Variants in LAMA3 observed in about 807,000 individuals in gnomAD.
The protein encoded by LAMA3 is laminin subunit alpha-3.
LAMA3 carries 281 observed loss-of-function variants against 402.0 expected under a neutral mutation model. The observed-to-expected ratio is 0.70, with a 90% confidence interval of 0.63 to 0.77. The LOEUF (loss-of-function observed/expected upper bound fraction) is 0.77, where lower values mean the gene tolerates loss of function less well. Among genes scored for constraint, LAMA3 ranks in the 30% least tolerant of loss-of-function variants. LAMA3 has a pLI of 0.00. For synonymous variants in LAMA3, 1,431 were observed against 1,558.4 expected (o/e 0.92, Z 1.93); for missense variants, 3,840 against 4,215.5 (o/e 0.91, Z 2.47).
intron 39 of LAMA3, among the ~76,000 whole-genome samples, chr18:23,877,290 T>C (rs1414063844): frequency 6.6e-6 from 1 of 152,246 alleles, no homozygotes; most frequent in African/African-American, 2.4e-5. Flanking sequence ...TTTTGGAATA[T>C]TTTATAAAAT....
chr18:23,903,834 GT>G (rs2081152162), intron 49 of LAMA3, 98 bp from the exon 50 acceptor site: 5 of 990,266 alleles, frequency 5.0e-6, no homozygotes, highest in Non-Finnish European at 6.4e-6. Flanking sequence ...ACATCTCATT[GT>G]TGCCCCAGAA....
At chr18:23,812,094 T>C (rs990138441) in intron 13 of LAMA3, among the ~76,000 whole-genome samples, 37 of 151,986 alleles carry the variant, frequency 2.4e-4, no homozygotes, top group Admixed American at 1.6e-3. Context: ...AGGATGATCT[T>C]GATCTCCTGA....
At chr18:23,727,358 C>T (rs2061318293) in intron 2 of LAMA3, among the ~76,000 whole-genome samples, 1 of 152,158 alleles carries the variant, frequency 6.6e-6, no homozygotes, top group African/African-American at 2.4e-5. Flanking sequence ...TGGAGTCTCA[C>T]TCTGTCTCCC....
chr18:23,840,070 C>T, intron 27 of LAMA3, 141 bp downstream of exon 27: 2 of 901,912 alleles, frequency 2.2e-6, no homozygotes, highest in Non-Finnish European at 3.6e-6. Context: ...GGGGGTGGGC[C>T]CAGGAATCTG....
intron 62 of LAMA3, among the ~76,000 whole-genome samples, chr18:23,923,379 G>A (rs1004173842): frequency 6.6e-6 from 1 of 152,194 alleles, no homozygotes; most frequent in Admixed American, 6.5e-5. Flanking sequence ...GGGTGACCTG[G>A]CCCAAGGAGT....
chr18:23,858,906 C>T lies in LAMA3; in HGVS notation c.4422+77C>T, dbSNP rs185406662. On this transcript the variant is annotated intron_variant, in intron 34 of 74. Coordinates refer to ENST00000313654, the MANE Select transcript of LAMA3 (RefSeq NM_198129.4). The stretch of plus-strand genomic sequence containing the variant: ...ATGATAAGCATATCCCTCGCTGCTC[C>T]TTGGCCTGCAGTGTTTTAAAATTCT... 84 of 1,432,194 alleles carry T rather than the reference C, an allele frequency of 5.9e-5. No individual in the cohort carries two copies. In the African/African-American group the frequency reaches 1.1e-3, roughly 18 times the overall value. The allele number at this position is 1,432,194 out of a possible 1,614,324, so 88.7% of individuals were successfully genotyped here. A position where few individuals can be genotyped will look rare whatever the true frequency, so the allele number is the denominator to read the frequency against.
chr18:23,857,380 C>T (rs1106459), intron 32 of LAMA3, among the ~76,000 whole-genome samples: 18,473 of 152,194 alleles, frequency 0.12, 2,547 homozygotes, highest in African/African-American at 0.32. Context: ...AGTGATCTCC[C>T]GCTCTGTTCC....
intron 66 of LAMA3, among the ~76,000 whole-genome samples, 167 bp from the exon 67 acceptor site, chr18:23,933,615 C>A (rs1317881518): frequency 1.3e-5 from 2 of 152,164 alleles, no homozygotes; most frequent in Non-Finnish European, 2.9e-5. Context: ...TATTGTGCTG[C>A]CAAACACTAG....
intron 2 of LAMA3, among the ~76,000 whole-genome samples, chr18:23,741,805 T>G (rs1408447839): frequency 3.9e-5 from 6 of 152,192 alleles, no homozygotes; most frequent in Non-Finnish European, 8.8e-5. Flanking sequence ...TTCACGTGCT[T>G]CTTGGTGACA....
intron 8 of LAMA3, among the ~76,000 whole-genome samples, chr18:23,771,155 G>A (rs1053935932): frequency 1.3e-5 from 2 of 152,172 alleles, no homozygotes; most frequent in Admixed American, 6.5e-5. Context: ...AATAGCCCAG[G>A]TGACCAACAA....
In LAMA3 at chr18:23,709,792, T is replaced by A. The variant is rs566807243; in HGVS notation, c.295-4128T>A. 7 of 619,926 alleles carry A rather than the reference T, an allele frequency of 1.1e-5. No homozygotes were observed. The Admixed American group carries it at 1.2e-4, about 10-fold the overall frequency. 38.4% of individuals were successfully genotyped at this position (619,926 alleles called of 1,614,324 possible). ...TCTTTTCTTTCTTTCTTTCTTTTTTTCTGGTGAATTAGCCAGCCAGACTCA... is the reference window on the plus strand; with the variant it reads ...TCTTTTCTTTCTTTCTTTCTTTTTTACTGGTGAATTAGCCAGCCAGACTCA... On this transcript the variant is annotated intron_variant, in intron 1 of 74. Transcript: ENST00000313654.
intron 12 of LAMA3, among the ~76,000 whole-genome samples, chr18:23,795,303 G>A (rs1350873995): frequency 3.3e-5 from 5 of 152,202 alleles, no homozygotes; most frequent in African/African-American, 9.7e-5. Context: ...AACTTAAGAT[G>A]TATAGCAGCC....
At chr18:23,704,146 T>C (rs1487595456) in intron 1 of LAMA3, among the ~76,000 whole-genome samples, 2 of 152,232 alleles carry the variant, frequency 1.3e-5, no homozygotes, top group African/African-American at 2.4e-5. Context: ...GTTAAATGCT[T>C]ATCTTGCCGG....
At chr18:23,885,194 A>C (rs888307431) in intron 41 of LAMA3, among the ~76,000 whole-genome samples, 3 of 141,570 alleles carry the variant, frequency 2.1e-5, no homozygotes, top group African/African-American at 8.1e-5. Context: ...CATACCCCCT[A>C]TTTCGACATG....
chr18:23,818,869 T>A (rs967472813), intron 18 of LAMA3, among the ~76,000 whole-genome samples: 6 of 152,176 alleles, frequency 3.9e-5, no homozygotes, highest in Non-Finnish European at 5.9e-5. Context: ...TATTTTTTTT[T>A]ATAATTTATC....
chr18:23,907,508 A>G, intron 52 of LAMA3, 42 bp from the exon 53 acceptor site: 1 of 1,392,758 alleles, frequency 7.2e-7, no homozygotes, highest in Non-Finnish European at 1.0e-6. Context: ...GAGGATCAAA[A>G]TGCACAAAGT....
chr18:23,789,962 G>A (rs1228501924), intron 12 of LAMA3, among the ~76,000 whole-genome samples: 1 of 152,192 alleles, frequency 6.6e-6, no homozygotes, highest in East Asian at 1.9e-4. Flanking sequence ...TCTCTCTTAT[G>A]TTTTTATAGT....
At chr18:23,750,494 T>C (rs1598716522) in intron 4 of LAMA3, among the ~76,000 whole-genome samples, 1 of 140,142 alleles carries the variant, frequency 7.1e-6, no homozygotes, top group Admixed American at 7.9e-5. Flanking sequence ...ACTTTATATC[T>C]AGAGATTTCC....
At chr18:23,920,831 C>G in intron 60 of LAMA3, 104 bp from the exon 61 acceptor site, 1 of 1,388,786 alleles carries the variant, frequency 7.2e-7, no homozygotes, top group African/African-American at 1.4e-5. Context: ...GAGGCAGCAG[C>G]TGAAGCTGAG....
Sources: allele counts gnomAD v4.1 joint callset (sites outside exome capture counted in the v4.1 genomes callset), GRCh38; gene constraint gnomAD v4.1.1; transcripts MANE v1.5; gene names NCBI Gene and HGNC (gene_info 2026-07-23, HGNC 2026-07-21).